PSTPIP2: variants seen among roughly 807,000 people sequenced by gnomAD.
The protein encoded by PSTPIP2 is proline-serine-threonine phosphatase interacting protein 2.
PSTPIP2 carries 33 observed loss-of-function variants against 63.3 expected under a neutral mutation model. The ratio of observed to expected loss-of-function variants is 0.52; its 90% CI spans 0.40 to 0.70. The LOEUF is 0.70. Ranked by LOEUF, PSTPIP2 falls within the 30% of genes least tolerant of loss-of-function variation. PSTPIP2 has a pLI of 0.00. For missense variants in PSTPIP2, 312 were observed against 400.7 expected (o/e 0.78, Z 1.89); for synonymous variants, 125 against 132.7 (o/e 0.94, Z 0.40).
At chr18:46,048,989 A>G (rs866197809) in intron 1 of PSTPIP2, among the ~76,000 whole-genome samples, 6 of 148,726 alleles carry the variant, frequency 4.0e-5, no homozygotes, top group African/African-American at 7.5e-5. Flanking sequence ...TTTACTTTCA[A>G]ATGGTTCAGA....
chr18:46,027,899 G>C (rs548087152), intron 2 of PSTPIP2, among the ~76,000 whole-genome samples: 1 of 152,092 alleles, frequency 6.6e-6, no homozygotes, highest in Non-Finnish European at 1.5e-5. Flanking sequence ...GGTGGCTCAC[G>C]TCTGTAATCA....
chr18:45,985,466 A>G lies in PSTPIP2; in HGVS notation c.*9-16T>C, dbSNP rs371186656. ...GCTCTGGTTTCTGAAAGAAAATAAC[A>G]AAGAAATTTCCTCTGAATGAAAGGT... On this transcript the variant is annotated splice_polypyrimidine_tract_variant and intron_variant, in intron 14 of 14. Transcript: ENST00000409746. 22 of 1,612,568 alleles carry G rather than the reference A, an allele frequency of 1.4e-5. No homozygotes were observed. In the African/African-American group the frequency reaches 2.1e-4, roughly 16 times the overall value.
chr18:45,991,782 C>A, intron 12 of PSTPIP2, 120 bp downstream of exon 12: 1 of 950,328 alleles, frequency 1.1e-6, no homozygotes, highest in Non-Finnish European at 1.6e-6. Flanking sequence ...AAAAAGCAAG[C>A]AGCCTTATTA....
At position 45,992,112 on chromosome 18, in the gene PSTPIP2, G is replaced by C. The variant is rs749589861; in HGVS notation, c.832C>G (p.Pro278Ala). 3.7e-6 allele frequency: 6 copies of C among 1,607,200 alleles called. No homozygotes were observed. Among genetic ancestry groups the C allele is most frequent in the Non-Finnish European group, 5.1e-6 (6 of 1,176,162 alleles). The change falls in exon 11 of 15, where the codon CCA becomes GCA. Residue 278 changes from proline to alanine, a missense_variant. Physicochemically the swap from Pro to Ala is conservative, Grantham distance 27. Transcript: ENST00000409746. ...FVNQRKTGQI[P>A]PAPIMYENFY... is the part of the protein sequence containing the mutation. ...ACCCCACTGCCCCATTCACCTGGTGGAATCTGTCCAGTTTTGCGTTGATTC... is the reference window on the plus strand; with the variant it reads ...ACCCCACTGCCCCATTCACCTGGTGCAATCTGTCCAGTTTTGCGTTGATTC...
At chr18:46,016,559 AT>A (rs201129954) in intron 3 of PSTPIP2, among the ~76,000 whole-genome samples, 2,366 of 152,320 alleles carry the variant, frequency 0.016, 65 homozygotes, top group African/African-American at 0.054. Flanking sequence ...GACAGACCTT[AT>A]CCCAGACCTC....
At chr18:45,995,222 C>T (rs1489861920) in intron 9 of PSTPIP2, among the ~76,000 whole-genome samples, 3 of 152,104 alleles carry the variant, frequency 2.0e-5, no homozygotes, top group Admixed American at 1.3e-4. Flanking sequence ...TCAAGCAATT[C>T]TCCCGCCTCA....
chr18:45,986,730 C>T (rs1183057886), intron 14 of PSTPIP2, among the ~76,000 whole-genome samples: 1 of 152,180 alleles, frequency 6.6e-6, no homozygotes, highest in African/African-American at 2.4e-5. Flanking sequence ...GAACAGGGTA[C>T]TTTATGTCTT....
intron 2 of PSTPIP2, among the ~76,000 whole-genome samples, chr18:46,027,016 C>G (rs115956139): frequency 2.0e-5 from 3 of 151,658 alleles, no homozygotes; most frequent in Non-Finnish European, 4.4e-5. Flanking sequence ...ACCATATGGC[C>G]GGGTGCAATG....
At chr18:46,062,132 GT>G (rs1339727788) in intron 1 of PSTPIP2, among the ~76,000 whole-genome samples, 5 of 152,164 alleles carry the variant, frequency 3.3e-5, no homozygotes, top group African/African-American at 1.2e-4. Flanking sequence ...TAGAAGGCAT[GT>G]GCTTCAGATA....
At position 46,052,567 on chromosome 18, in the gene PSTPIP2, T is replaced by TAA. The variant is rs34500084; in HGVS notation, c.34-12522_34-12521dup. On this transcript the variant is annotated intron_variant, in intron 1 of 14. Coordinates refer to ENST00000409746, the MANE Select transcript of PSTPIP2 (RefSeq NM_024430.4). ...TAATAGAAAATGTTTAATGTTAATT[T>TAA]AAAAAAAAAAACTTTTTCTAAGGTA... is the stretch of plus-strand genomic sequence containing the variant. 2.1e-4 allele frequency among the ~76,000 whole-genome samples: 32 copies of TAA among 150,378 alleles called. No individual in the cohort carries two copies. The South Asian group carries it at 3.1e-3, about 15-fold the overall frequency.
intron 1 of PSTPIP2, among the ~76,000 whole-genome samples, chr18:46,067,344 T>C (rs1305644074): frequency 6.7e-6 from 1 of 150,320 alleles, no homozygotes; most frequent in Non-Finnish European, 1.5e-5. Context: ...CTACTAAAAA[T>C]ACAAAAAAAT....
At chr18:46,046,351 T>C (rs1301942142) in intron 1 of PSTPIP2, among the ~76,000 whole-genome samples, 1 of 152,208 alleles carries the variant, frequency 6.6e-6, no homozygotes, top group Non-Finnish European at 1.5e-5. Flanking sequence ...CATCCGCACA[T>C]CTAGTTCTGT....
At chr18:46,032,880 A>G (rs1907834165) in intron 2 of PSTPIP2, among the ~76,000 whole-genome samples, 1 of 152,176 alleles carries the variant, frequency 6.6e-6, no homozygotes, top group South Asian at 2.1e-4. Flanking sequence ...GATGATCCTC[A>G]ATCTAGTGCT....
At position 46,011,262 on chromosome 18, in the gene PSTPIP2, G is replaced by A. The variant is rs746460611; in HGVS notation, c.273C>T (p.His91=). 1 of 1,613,696 alleles carries A rather than the reference G, an allele frequency of 6.2e-7. No homozygotes were observed. The highest frequency in any genetic ancestry group is 8.5e-7 in the Non-Finnish European group (1 of 1,179,862). ...CTCTTAAACTCTGTGCAAGCTGAAT[G>A]TGACATTGTGCCACATTGTCTACTT... ...KQQVDNVAQC[H]IQLAQSLREE... is the part of the protein sequence containing the mutation. Residue 91 remains histidine, a synonymous_variant, in exon 5 of 15, where the codon CAC becomes CAT. Transcript: ENST00000409746.
At chr18:46,026,510 T>G (rs985318046) in intron 2 of PSTPIP2, among the ~76,000 whole-genome samples, 2 of 152,252 alleles carry the variant, frequency 1.3e-5, no homozygotes, top group Non-Finnish European at 2.9e-5. Flanking sequence ...TCATTTGTCT[T>G]TTCTAAATAA....
intron 1 of PSTPIP2, among the ~76,000 whole-genome samples, chr18:46,070,349 C>T (rs753301652): frequency 2.0e-5 from 3 of 152,208 alleles, no homozygotes; most frequent in African/African-American, 4.8e-5. Flanking sequence ...CCTGTCTTCA[C>T]CCTGTCACCC....
intron 3 of PSTPIP2, among the ~76,000 whole-genome samples, chr18:46,017,847 G>C (rs978869616): frequency 6.6e-6 from 1 of 151,988 alleles, no homozygotes; most frequent in Non-Finnish European, 1.5e-5. Context: ...TTGTACAATA[G>C]ATCTCCTGAA....
At chr18:46,020,145 A>G (rs1203033885) in intron 3 of PSTPIP2, among the ~76,000 whole-genome samples, 1 of 152,184 alleles carries the variant, frequency 6.6e-6, no homozygotes, top group Admixed American at 6.5e-5. Context: ...TCAGGACAAA[A>G]TGACATTCCA....
rs530782085 is a variant in PSTPIP2 at position 46,015,119 on chromosome 18, C to A, written c.247+784G>T. ...TTGAAGAGTCAAGCTAGAAGAGGCC[C>A]AAAATTGTCCCCTAAACTTAGTGAC... On this transcript the variant is annotated intron_variant, in intron 4 of 14. Transcript: ENST00000409746. Among the ~76,000 whole-genome samples, 3 of 152,248 alleles carry A rather than the reference C, an allele frequency of 2.0e-5. No homozygotes were observed. The South Asian group carries it at 6.2e-4, about 32-fold the overall frequency.
Sources: allele counts gnomAD v4.1 joint callset (sites outside exome capture counted in the v4.1 genomes callset), GRCh38; gene constraint gnomAD v4.1.1; transcripts MANE v1.5; gene names NCBI Gene and HGNC (gene_info 2026-07-23, HGNC 2026-07-21).